Variants in SMIM13 observed in about 807,000 individuals in gnomAD.
The protein encoded by SMIM13 is UPF0766 protein C6orf228.
Under a neutral mutation model 5.9 loss-of-function variants are expected in SMIM13, and 3 were observed. The ratio of observed to expected loss-of-function variants is 0.51; its 90% CI spans 0.23 to 1.31. The LOEUF (loss-of-function observed/expected upper bound fraction) is 1.31, where lower values mean the gene tolerates loss of function less well. Among genes scored for constraint, SMIM13 ranks in the 40% most tolerant of loss-of-function variants. The pLI, the probability that SMIM13 is intolerant of heterozygous loss-of-function variation, is 0.18. For synonymous variants in SMIM13, 55 were observed against 46.0 expected (o/e 1.19, Z -0.79); for missense variants, 85 against 109.9 (o/e 0.77, Z 1.01).
intron 1 of SMIM13, among the ~76,000 whole-genome samples, chr6:11,117,060 G>A (rs1202502642): frequency 3.8e-5 from 5 of 130,488 alleles, no homozygotes; most frequent in Admixed American, 1.9e-4. Flanking sequence ...GCGCGATCTC[G>A]GCTCACTGCA....
intron 1 of SMIM13, chr6:11,104,050 C>T: frequency 2.6e-6 from 4 of 1,551,746 alleles, no homozygotes; most frequent in East Asian, 2.4e-5. Flanking sequence ...GTTAACATGT[C>T]TAGTCCTCGA....
rs1478305097 is a variant in SMIM13, at chr6:11,138,580, T to C, written c.*3978T>C. 1 of 152,128 alleles carries C rather than the reference T, an allele frequency of 6.6e-6. No individual in the cohort carries two copies. Among genetic ancestry groups the C allele is most frequent in the African/African-American group, 2.4e-5 (1 of 41,448 alleles). The allele number at this position is 152,128 out of a possible 1,614,324, so 9.4% of individuals were successfully genotyped here. ...CGTGTTTTAATAGTACCTTTGTATA[T>C]ATAACAAGATGTAAAATTAAAGATG... On this transcript the variant is annotated 3_prime_UTR_variant, in exon 2 of 2. Transcript: ENST00000416247.
At chr6:11,126,150 A>G (rs191913238) in intron 1 of SMIM13, among the ~76,000 whole-genome samples, 268 of 152,282 alleles carry the variant, frequency 1.8e-3, no homozygotes, top group Non-Finnish European at 3.2e-3. Context: ...CCCGGGTTCA[A>G]GCAATTCTCC....
At chr6:11,116,265 C>G (rs1758239398) in intron 1 of SMIM13, among the ~76,000 whole-genome samples, 1 of 151,820 alleles carries the variant, frequency 6.6e-6, no homozygotes, top group Non-Finnish European at 1.5e-5. Context: ...GTGATCCGCC[C>G]ACCTCAGCTT....
At chr6:11,099,477 C>T (rs1213733625) in intron 1 of SMIM13, among the ~76,000 whole-genome samples, 1 of 152,116 alleles carries the variant, frequency 6.6e-6, no homozygotes, top group Non-Finnish European at 1.5e-5. Context: ...CTGGCCCATA[C>T]TACATGTTTT....
At chr6:11,095,416 G>T (rs1476210672) in intron 1 of SMIM13, among the ~76,000 whole-genome samples, 1 of 152,182 alleles carries the variant, frequency 6.6e-6, no homozygotes, top group African/African-American at 2.4e-5. Context: ...CCTGATCTTG[G>T]CCCACTGCAA....
chr6:11,135,787 C>T lies in SMIM13; in HGVS notation c.*1185C>T, dbSNP rs184054621. On this transcript the variant is annotated 3_prime_UTR_variant, in exon 2 of 2. Transcript: ENST00000416247. The stretch of plus-strand genomic sequence containing the variant: ...ATCTGTTTAACTCAAAGCGCTGTTT[C>T]AATAAATATAAACATTTTCTGTGAT... 4.6e-5 allele frequency: 7 copies of T among 152,280 alleles called. No homozygotes were observed. The highest frequency in any genetic ancestry group is 4.6e-4 in the Admixed American group (7 of 15,292). 9.4% of individuals were successfully genotyped at this position (152,280 alleles called of 1,614,324 possible). A position where few individuals can be genotyped will look rare whatever the true frequency, so the allele number is the denominator to read the frequency against.
chr6:11,129,526 C>T (rs1289084317), intron 1 of SMIM13, among the ~76,000 whole-genome samples: 1 of 152,022 alleles, frequency 6.6e-6, no homozygotes, highest in African/African-American at 2.4e-5. Context: ...TACTGATTTC[C>T]TTTCTTTTGG....
chr6:11,111,170 G>C (rs1294690287), intron 1 of SMIM13, among the ~76,000 whole-genome samples: 2 of 152,142 alleles, frequency 1.3e-5, no homozygotes, highest in South Asian at 2.1e-4. Flanking sequence ...CAAGAGCTGC[G>C]GGTGCATGAA....
At chr6:11,127,268 T>C (rs1758389187) in intron 1 of SMIM13, among the ~76,000 whole-genome samples, 1 of 152,178 alleles carries the variant, frequency 6.6e-6, no homozygotes, top group South Asian at 2.1e-4. Flanking sequence ...AGCCAGGAGT[T>C]GGGAAACTTA....
chr6:11,125,421 C>A (rs971759744), intron 1 of SMIM13, among the ~76,000 whole-genome samples: 1 of 151,540 alleles, frequency 6.6e-6, no homozygotes, highest in African/African-American at 2.4e-5. Context: ...CATGGTGAAA[C>A]CCCGTCTCTA....
chr6:11,127,056 C>G (rs950433331), intron 1 of SMIM13, among the ~76,000 whole-genome samples: 3 of 152,198 alleles, frequency 2.0e-5, no homozygotes, highest in African/African-American at 7.2e-5. Flanking sequence ...CTGTGGCCAC[C>G]ACTGCTGGGA....
intron 1 of SMIM13, among the ~76,000 whole-genome samples, chr6:11,130,719 T>G (rs1159409281): frequency 6.6e-6 from 1 of 152,222 alleles, no homozygotes; most frequent in African/African-American, 2.4e-5. Flanking sequence ...GTCTGTGATC[T>G]AGCTGAATGC....
chr6:11,096,044 TTGA>T (rs1757918155), intron 1 of SMIM13, among the ~76,000 whole-genome samples: 1 of 152,218 alleles, frequency 6.6e-6, no homozygotes, highest in African/African-American at 2.4e-5. Context: ...AAACAGCTGT[TTGA>T]TGGTTTAATT....
At chr6:11,125,597 C>T (rs866593611) in intron 1 of SMIM13, among the ~76,000 whole-genome samples, 3 of 152,160 alleles carry the variant, frequency 2.0e-5, no homozygotes, top group African/African-American at 2.4e-5. Flanking sequence ...AGCGAGACCC[C>T]GTCTCAAAAC....
intron 1 of SMIM13, among the ~76,000 whole-genome samples, chr6:11,118,408 A>G (rs1248883581): frequency 1.3e-5 from 2 of 152,136 alleles, no homozygotes; most frequent in Non-Finnish European, 2.9e-5. Flanking sequence ...TTAAATCTTG[A>G]TAGTTTTGGG....
intron 1 of SMIM13, chr6:11,104,400 G>A (rs909212300): frequency 7.1e-6 from 11 of 1,551,460 alleles, no homozygotes; most frequent in East Asian, 4.9e-5. Flanking sequence ...TTGGTGAATC[G>A]ACTGGCCACA....
At chr6:11,095,057 G>T (rs1757905428) in intron 1 of SMIM13, among the ~76,000 whole-genome samples, 1 of 152,144 alleles carries the variant, frequency 6.6e-6, no homozygotes, top group Non-Finnish European at 1.5e-5. Flanking sequence ...AGATCTTTTT[G>T]ATTTCTTTGT....
At position 11,136,484 on chromosome 6, in the gene SMIM13, G is replaced by A. The variant is rs1007761083; in HGVS notation, c.*1882G>A. 7.9e-5 allele frequency: 12 copies of A among 152,086 alleles called. No individual in the cohort carries two copies. Among genetic ancestry groups the A allele is most frequent in the African/African-American group, 2.9e-4 (12 of 41,420 alleles). The allele number at this position is 152,086 out of a possible 1,614,324, so 9.4% of individuals were successfully genotyped here. ...TCTATTTAACCTCTATTTTATGATG[G>A]TGTGTTATTATGTTTGATACCTCAT... On this transcript the variant is annotated 3_prime_UTR_variant, in exon 2 of 2. Coordinates refer to ENST00000416247, the MANE Select transcript of SMIM13 (RefSeq NM_001135575.2).
Sources: gnomAD v4.1 joint callset for allele counts (sites outside exome capture counted in the v4.1 genomes callset) on GRCh38, gnomAD v4.1.1 for gene constraint, MANE v1.5 for transcripts, NCBI Gene and HGNC (gene_info 2026-07-23, HGNC 2026-07-21) for gene names.